CNGB3: variants seen among roughly 807,000 people sequenced by gnomAD.
The protein encoded by CNGB3 is cyclic nucleotide-gated channel beta-3.
In CNGB3, 86 loss-of-function variants were observed where a neutral mutation model predicts 92.8. That is an observed-to-expected ratio of 0.93 (90% CI 0.78 to 1.11). The LOEUF (loss-of-function observed/expected upper bound fraction) is 1.11, where lower values mean the gene tolerates loss of function less well. Among genes scored for constraint, CNGB3 ranks in the 50% least tolerant of loss-of-function variants. CNGB3 has a pLI of 0.00. For synonymous variants in CNGB3, 333 were observed against 332.7 expected (o/e 1.00, Z -0.01); for missense variants, 1,026 against 956.8 (o/e 1.07, Z -0.95).
In CNGB3 at chr8:86,608,959, G is replaced by C. The variant is rs34469617; in HGVS notation, c.1662+2629C>G. On this transcript the variant is annotated intron_variant, in intron 14 of 17. Transcript: ENST00000320005. The stretch of plus-strand genomic sequence containing the variant: ...CAGCTGTCTTTTCTTCTATCTCCTA[G>C]TCTTGTGTCTTTATTTCTACACTCT... 8.5e-3 allele frequency among the ~76,000 whole-genome samples: 1,292 copies of C among 152,258 alleles called. 14 individuals carry two copies. The highest frequency in any genetic ancestry group is 0.017 in the South Asian group (82 of 4,826).
At chr8:86,633,324 C>T (rs1197857239) in intron 10 of CNGB3, among the ~76,000 whole-genome samples, 1 of 152,142 alleles carries the variant, frequency 6.6e-6, no homozygotes, top group Non-Finnish European at 1.5e-5. Context: ...TGGCTGGGTT[C>T]CCCTGTTCCT....
intron 5 of CNGB3, 123 bp downstream of exon 5, chr8:86,667,896 C>T (rs1823775186): frequency 3.7e-6 from 4 of 1,074,896 alleles, no homozygotes; most frequent in Non-Finnish European, 5.7e-6. Context: ...AATTTAAATT[C>T]TGCTTCCTAG....
intron 15 of CNGB3, among the ~76,000 whole-genome samples, chr8:86,597,320 G>A (rs544473592): frequency 2.0e-5 from 3 of 152,124 alleles, no homozygotes; most frequent in African/African-American, 4.8e-5. Flanking sequence ...CTGGGTTCCT[G>A]CCCTCCCGGT....
Position 86,578,733 on chromosome 8 carries a change from T to G in CNGB3, c.2059A>C (p.Ser687Arg), listed in dbSNP as rs1821704253. The G allele has an allele frequency of 1.2e-6, 2 of 1,614,172 alleles. No homozygotes were observed. Among genetic ancestry groups the G allele is most frequent in the East Asian group, 4.5e-5 (2 of 44,880 alleles). ...KTLLGGTGKA[S>R]LARLLKLKRE... ...TTCAATTTGAGTAGTCTTGCAAGAC[T>G]TGCTTTTCCTGTGCCTCCTAGGAGA... Residue 687 changes from serine to arginine, a missense_variant, in exon 17 of 18, where the codon AGT becomes CGT. Coordinates refer to ENST00000320005, the MANE Select transcript of CNGB3 (RefSeq NM_019098.5).
intron 13 of CNGB3, among the ~76,000 whole-genome samples, chr8:86,618,604 A>T (rs1032133328): frequency 6.6e-6 from 1 of 152,166 alleles, no homozygotes; most frequent in African/African-American, 2.4e-5. Context: ...AGTGCTTTAG[A>T]CAGGTCAACT....
chr8:86,584,728 A>G (rs1238197948), intron 15 of CNGB3, among the ~76,000 whole-genome samples: 1 of 152,200 alleles, frequency 6.6e-6, no homozygotes, highest in East Asian at 1.9e-4. Flanking sequence ...TTGTTTCCCT[A>G]GGTAAAAATA....
At chr8:86,579,059 AG>A (rs1476569811) in intron 16 of CNGB3, 46 bp downstream of exon 16, 1 of 1,613,182 alleles carries the variant, frequency 6.2e-7, no homozygotes, top group East Asian at 2.2e-5. Flanking sequence ...GAGTTTACAA[AG>A]TAAAACCAAC....
At chr8:86,729,802 C>T (rs1352433274) in intron 2 of CNGB3, among the ~76,000 whole-genome samples, 1 of 152,248 alleles carries the variant, frequency 6.6e-6, no homozygotes, top group Non-Finnish European at 1.5e-5. Context: ...AAATCTTGCT[C>T]TGGCATCTGG....
intron 2 of CNGB3, among the ~76,000 whole-genome samples, chr8:86,733,244 T>G (rs1453979430): frequency 6.6e-6 from 1 of 152,178 alleles, no homozygotes; most frequent in African/African-American, 2.4e-5. Context: ...GCCTCCATCT[T>G]CATCCATGTT....
chr8:86,718,453 C>T (rs570369758), intron 3 of CNGB3, among the ~76,000 whole-genome samples: 1 of 152,144 alleles, frequency 6.6e-6, no homozygotes, highest in Admixed American at 6.5e-5. Flanking sequence ...ATACAACCCT[C>T]CTAGATTAAA....
chr8:86,702,474 T>C (rs1824574212), intron 3 of CNGB3, among the ~76,000 whole-genome samples: 1 of 152,348 alleles, frequency 6.6e-6, no homozygotes, highest in South Asian at 2.1e-4. Flanking sequence ...TTTGAGATTA[T>C]TTATTTCCCT....
chr8:86,660,500 G>C (rs1045618697), intron 6 of CNGB3: 1 of 529,534 alleles, frequency 1.9e-6, no homozygotes, highest in African/African-American at 1.9e-5. Flanking sequence ...GCATGGCCAG[G>C]TGGCAGCATG....
chr8:86,670,322 A>T (rs1371049478), intron 4 of CNGB3, among the ~76,000 whole-genome samples: 1 of 152,018 alleles, frequency 6.6e-6, no homozygotes, highest in Non-Finnish European at 1.5e-5. Flanking sequence ...TTACAATAAA[A>T]TTTGTTATAG....
chr8:86,657,367 A>T (rs910701570), intron 6 of CNGB3: 1 of 449,552 alleles, frequency 2.2e-6, no homozygotes, highest in African/African-American at 2.0e-5. Flanking sequence ...AGCTTTGCTG[A>T]CAGTGGCCGG....
chr8:86,574,496 T>C lies in CNGB3; in HGVS notation c.*1308A>G, dbSNP rs1041519693. 2.6e-5 allele frequency: 4 copies of C among 152,234 alleles called. No homozygotes were observed. The highest frequency in any genetic ancestry group is 5.9e-5 in the Non-Finnish European group (4 of 68,034). The allele number at this position is 152,234 out of a possible 1,614,324, so 9.4% of individuals were successfully genotyped here. On this transcript the variant is annotated 3_prime_UTR_variant, in exon 18 of 18. Transcript: ENST00000320005. ...ACTCTAACACTACATGCAAAAACGG[T>C]GACTCTATCAAATGATGCAGTTTAT...
chr8:86,737,341 C>T (rs1293853591), intron 2 of CNGB3, among the ~76,000 whole-genome samples: 1 of 151,942 alleles, frequency 6.6e-6, no homozygotes, highest in Non-Finnish European at 1.5e-5. Context: ...TATTATCCTC[C>T]CAAGTGGACA....
At chr8:86,658,463 G>A (rs564591594) in intron 6 of CNGB3, 62 of 408,546 alleles carry the variant, frequency 1.5e-4, no homozygotes, top group African/African-American at 1.1e-3. Flanking sequence ...ACCCTTGGCA[G>A]GCCATCTTGG....
intron 3 of CNGB3, among the ~76,000 whole-genome samples, chr8:86,678,308 A>G (rs564262499): frequency 6.6e-6 from 1 of 152,326 alleles, no homozygotes; most frequent in African/African-American, 2.4e-5. Flanking sequence ...GTCTACCATA[A>G]AGCCTATACA....
chr8:86,596,612 C>A (rs534529252), intron 15 of CNGB3, among the ~76,000 whole-genome samples: 1 of 152,268 alleles, frequency 6.6e-6, no homozygotes, highest in Admixed American at 6.5e-5. Flanking sequence ...AGCCACTGCC[C>A]TAAGGGCTGG....
Sources: allele counts gnomAD v4.1 joint callset (sites outside exome capture counted in the v4.1 genomes callset), GRCh38; gene constraint gnomAD v4.1.1; transcripts MANE v1.5; gene names NCBI Gene and HGNC (gene_info 2026-07-23, HGNC 2026-07-21).